Variants in LOC122539214 observed in about 807,000 individuals in gnomAD.
chr19:52,665,731 C>T, the LOC122539214 span, among the ~76,000 whole-genome samples: 2 of 152,156 alleles, frequency 1.3e-5, no homozygotes, highest in Non-Finnish European at 2.9e-5. Context: ...TTAGCCTGTG[C>T]GGTCTAATCC....
At chr19:52,654,446 T>G in the LOC122539214 span, 2 of 768,716 alleles carry the variant, frequency 2.6e-6, no homozygotes, top group African/African-American at 3.5e-5. Flanking sequence ...TAAGTACAGA[T>G]GGTAAATAAT....
the LOC122539214 span, among the ~76,000 whole-genome samples, chr19:52,680,602 A>G: frequency 1.5e-5 from 2 of 135,598 alleles, no homozygotes; most frequent in African/African-American, 5.6e-5. Context: ...CTTTTCCACA[A>G]AATATTTTTT....
chr19:52,654,316 T>G, the LOC122539214 span: 2 of 1,477,400 alleles, frequency 1.4e-6, no homozygotes, highest in African/African-American at 2.8e-5. Context: ...ATGACTTTTA[T>G]GTCTTTGCAA....
chr19:52,655,737 T>A, the LOC122539214 span: 3 of 768,944 alleles, frequency 3.9e-6, no homozygotes, highest in East Asian at 7.5e-5. Flanking sequence ...AGTCATTACC[T>A]TCACACAAAA....
the LOC122539214 span, among the ~76,000 whole-genome samples, chr19:52,662,515 A>G: frequency 6.6e-6 from 1 of 152,196 alleles, no homozygotes; most frequent in Non-Finnish European, 1.5e-5. Flanking sequence ...GGAGAGGTTC[A>G]AGATGATCTG....
chr19:52,658,643 G>A, the LOC122539214 span, among the ~76,000 whole-genome samples: 3 of 152,168 alleles, frequency 2.0e-5, no homozygotes, highest in African/African-American at 7.2e-5. Context: ...AAGGCCGAAA[G>A]GTTATATAGC....
the LOC122539214 span, among the ~76,000 whole-genome samples, chr19:52,685,029 T>C: frequency 6.6e-6 from 1 of 152,232 alleles, no homozygotes; most frequent in Non-Finnish European, 1.5e-5. Context: ...AGATGGTCTC[T>C]GTGTCTGAGT....
the LOC122539214 span, among the ~76,000 whole-genome samples, chr19:52,671,992 G>A: frequency 4.6e-5 from 7 of 152,112 alleles, no homozygotes; most frequent in African/African-American, 1.7e-4. Context: ...CAGCACTTTG[G>A]GAGGTCGAGG....
At chr19:52,689,409 A>G in the LOC122539214 span, among the ~76,000 whole-genome samples, 2 of 150,968 alleles carry the variant, frequency 1.3e-5, no homozygotes, top group East Asian at 3.9e-4. Context: ...ACTCTCTAGC[A>G]CTCCAGATCC....
At chr19:52,673,980 C>A in the LOC122539214 span, among the ~76,000 whole-genome samples, 2 of 147,098 alleles carry the variant, frequency 1.4e-5, no homozygotes, top group South Asian at 2.2e-4. Flanking sequence ...CATGCCACTG[C>A]CCTGCAGCCT....
At chr19:52,683,226 CTCTGTGTGTG>C in the LOC122539214 span, among the ~76,000 whole-genome samples, 12,094 of 135,600 alleles carry the variant, frequency 0.089, 582 homozygotes, top group African/African-American at 0.14. Flanking sequence ...TGCCCTGTGA[CTCTGTGTGTG>C]TGTGTGTGTG....
the LOC122539214 span, among the ~76,000 whole-genome samples, chr19:52,686,825 G>A: frequency 1.3e-5 from 2 of 151,976 alleles, no homozygotes; most frequent in African/African-American, 2.4e-5. Context: ...CTCTCACCTC[G>A]GTCTCCCAAA....
chr19:52,680,578 T>C, the LOC122539214 span, among the ~76,000 whole-genome samples: 1 of 151,924 alleles, frequency 6.6e-6, no homozygotes, highest in South Asian at 2.1e-4. Context: ...TCTCCACAGT[T>C]GTGTTTTATT....
chr19:52,666,427 T>A, the LOC122539214 span, among the ~76,000 whole-genome samples: 3 of 152,040 alleles, frequency 2.0e-5, no homozygotes, highest in Non-Finnish European at 4.4e-5. Flanking sequence ...CAATGGCATA[T>A]CCTGAAAGCA....
chr19:52,659,959 G>A, the LOC122539214 span, among the ~76,000 whole-genome samples: 2 of 152,192 alleles, frequency 1.3e-5, no homozygotes, highest in African/African-American at 2.4e-5. Context: ...TTGGGAGGCT[G>A]AGGCGGGCAG....
chr19:52,684,200 C>T, the LOC122539214 span, among the ~76,000 whole-genome samples: 1 of 152,106 alleles, frequency 6.6e-6, no homozygotes, highest in South Asian at 2.1e-4. Context: ...GAAACTGCAT[C>T]TCTACTAAAA....
chr19:52,685,915 A>T, the LOC122539214 span, among the ~76,000 whole-genome samples: 104,572 of 149,312 alleles, frequency 0.7, 38,302 homozygotes, highest in African/African-American at 0.91. Context: ...AAAAAAAAAA[A>T]AAAAAAAAAA....
the LOC122539214 span, among the ~76,000 whole-genome samples, chr19:52,667,224 GA>G: frequency 0.11 from 9,374 of 86,184 alleles, 806 homozygotes; most frequent in African/African-American, 0.27. Context: ...TATCATCTTT[GA>G]AAAAAAAAAA....
the LOC122539214 span, among the ~76,000 whole-genome samples, chr19:52,687,682 G>A: frequency 0.53 from 30,049 of 57,178 alleles, 9,604 homozygotes; most frequent in African/African-American, 0.7. Flanking sequence ...ATAACTAGCC[G>A]GGCTTGGTGG....
Sources: allele counts gnomAD v4.1 joint callset (sites outside exome capture counted in the v4.1 genomes callset), GRCh38; gene constraint gnomAD v4.1.1; transcripts MANE v1.5.